Variants in OXR1 observed in about 807,000 individuals in gnomAD.
OXR1 encodes the protein oxidation resistance protein 1.
In OXR1, 41 loss-of-function variants were observed where a neutral mutation model predicts 104.6. That is an observed-to-expected ratio of 0.39 (90% confidence interval 0.31 to 0.51). OXR1 has a LOEUF of 0.51. Among genes scored for constraint, OXR1 ranks in the 20% least tolerant of loss-of-function variants. The pLI is 0.77. For missense variants in OXR1, 955 were observed against 1,031.9 expected (o/e 0.93, Z 1.02); for synonymous variants, 348 against 348.4 (o/e 1.00, Z 0.01).
rs566277918 is a variant in OXR1, at chr8:106,481,598, G to A, written c.24-37345G>A. Among the ~76,000 whole-genome samples, 51 of 152,174 alleles carry A rather than the reference G, an allele frequency of 3.4e-4. No homozygotes were observed. The South Asian group carries it at 0.01, about 31-fold the overall frequency. ...AGCCCGGAGGGTAAATTATTAAAAT[G>A]AGCTATGGAGAATTGGGGAGAGCTT... On this transcript the variant is annotated intron_variant, in intron 2 of 16. Coordinates refer to ENST00000517566, the MANE Select transcript of OXR1 (RefSeq NM_001198533.2).
intron 2 of OXR1, among the ~76,000 whole-genome samples, chr8:106,483,294 G>A (rs1822251188): frequency 6.6e-6 from 1 of 151,998 alleles, no homozygotes; most frequent in African/African-American, 2.4e-5. Context: ...GACCTCTAGT[G>A]CCATCTGGAG....
At chr8:106,307,143 C>T (rs1271619468) in intron 1 of OXR1, among the ~76,000 whole-genome samples, 4 of 152,032 alleles carry the variant, frequency 2.6e-5, no homozygotes, top group Non-Finnish European at 5.9e-5. Context: ...GAGTTGGTAG[C>T]CAACAAGTGA....
intron 2 of OXR1, among the ~76,000 whole-genome samples, chr8:106,421,995 T>C (rs1818925379): frequency 6.6e-6 from 1 of 152,154 alleles, no homozygotes. Context: ...ATCTTTGTAA[T>C]TCAGTTCATT....
At chr8:106,450,556 C>G (rs976277741) in intron 2 of OXR1, among the ~76,000 whole-genome samples, 1 of 152,150 alleles carries the variant, frequency 6.6e-6, no homozygotes, top group Non-Finnish European at 1.5e-5. Context: ...CTAGGACATT[C>G]TCCCTAAGAG....
intron 3 of OXR1, among the ~76,000 whole-genome samples, chr8:106,663,976 G>A (rs1299032885): frequency 2.0e-5 from 3 of 152,156 alleles, no homozygotes; most frequent in Non-Finnish European, 2.9e-5. Context: ...AAAACTCACA[G>A]TGTTGGTAGA....
chr8:106,746,668 C>G (rs1277503330), intron 16 of OXR1, among the ~76,000 whole-genome samples: 1 of 152,180 alleles, frequency 6.6e-6, no homozygotes, highest in Non-Finnish European at 1.5e-5. Context: ...TACAACTTCT[C>G]TGTAAGTAGG....
chr8:106,515,916 C>G lies in OXR1; in HGVS notation c.24-3027C>G, dbSNP rs150122286. On this transcript the variant is annotated intron_variant, in intron 2 of 16. Coordinates refer to ENST00000517566, the MANE Select transcript of OXR1 (RefSeq NM_001198533.2). The stretch of plus-strand genomic sequence containing the variant: ...CTTAACTGTGAGATACAGCTTTCAC[C>G]CTAATTTCCACAAAGCAGCTCAGAG... Among the ~76,000 whole-genome samples the G allele has an allele frequency of 3.9e-5, 6 of 152,188 alleles. 1 individual carries two copies. Among genetic ancestry groups the G allele is most frequent in the African/African-American group, 1.4e-4 (6 of 41,542 alleles).
intron 15 of OXR1, among the ~76,000 whole-genome samples, chr8:106,745,469 T>C (rs1835307709): frequency 6.6e-6 from 1 of 152,228 alleles, no homozygotes; most frequent in Admixed American, 6.5e-5. Flanking sequence ...TTTCAACTCA[T>C]TTACTTCTTT....
intron 3 of OXR1, among the ~76,000 whole-genome samples, chr8:106,549,844 CTT>C (rs1322246110): frequency 6.6e-6 from 1 of 152,190 alleles, no homozygotes; most frequent in Non-Finnish European, 1.5e-5. Context: ...TATACCATCA[CTT>C]TTTGTGTTAA....
intron 2 of OXR1, among the ~76,000 whole-genome samples, chr8:106,440,236 A>C (rs1819729975): frequency 6.6e-6 from 1 of 152,010 alleles, no homozygotes; most frequent in African/African-American, 2.4e-5. Flanking sequence ...CTACCCCAAA[A>C]AGCTATGGTC....
chr8:106,750,253 T>C (rs1835764302), intron 16 of OXR1, among the ~76,000 whole-genome samples: 1 of 151,394 alleles, frequency 6.6e-6, no homozygotes, highest in South Asian at 2.1e-4. Context: ...GCTAATCCTA[T>C]ATAAAGTTCA....
At chr8:106,513,371 C>T (rs1586743063) in intron 2 of OXR1, among the ~76,000 whole-genome samples, 2 of 151,910 alleles carry the variant, frequency 1.3e-5, no homozygotes, top group African/African-American at 2.4e-5. Flanking sequence ...CATCTATGCT[C>T]CTGAGTTTGC....
chr8:106,479,001 A>G (rs1363950196), intron 2 of OXR1, among the ~76,000 whole-genome samples: 2 of 152,016 alleles, frequency 1.3e-5, no homozygotes, highest in East Asian at 1.9e-4. Context: ...TTGATAATTC[A>G]TAGATATCCT....
At chr8:106,705,629 G>A (rs542677960) in intron 8 of OXR1, among the ~76,000 whole-genome samples, 1 of 152,140 alleles carries the variant, frequency 6.6e-6, no homozygotes, top group South Asian at 2.1e-4. Flanking sequence ...TTTTAAATTA[G>A]CAACTTACAT....
chr8:106,329,930 A>G (rs963521790), intron 1 of OXR1, among the ~76,000 whole-genome samples: 17 of 151,844 alleles, frequency 1.1e-4, no homozygotes, highest in Admixed American at 7.2e-4. Context: ...AAAAAAAGTG[A>G]CATATTCACC....
chr8:106,426,764 G>A (rs979631658), intron 2 of OXR1, among the ~76,000 whole-genome samples: 3 of 152,132 alleles, frequency 2.0e-5, no homozygotes, highest in Non-Finnish European at 4.4e-5. Context: ...AAATGAAAGT[G>A]TATGGTGTAT....
chr8:106,707,093 G>T lies in OXR1; in HGVS notation c.1572G>T (p.Val524=). Residue 524 remains valine (V), a synonymous_variant, in exon 9 of 17, where the codon GTG becomes GTT. Coordinates refer to ENST00000517566, the MANE Select transcript of OXR1 (RefSeq NM_001198533.2). ...TKQQRENIQQ[V]SQKEAKHKIT... ...AGCAAAGGGAAAATATTCAACAAGT[G>T]TCACAAAAAGAAGCTAAGCATAAAA... 6.2e-7 allele frequency: 1 copy of T among 1,613,896 alleles called. No homozygotes were observed. Among genetic ancestry groups the T allele is most frequent in the Non-Finnish European group, 8.5e-7 (1 of 1,179,878 alleles).
chr8:106,446,549 C>T lies in OXR1; in HGVS notation c.24-72394C>T, dbSNP rs141788442. Reference sequence around the variant, plus strand: ...AAGAAAATTGCTTGAACCTGGGAGGCGGAGGTTGCAGCAAGCTGAGATAGC... The same window carrying T: ...AAGAAAATTGCTTGAACCTGGGAGGTGGAGGTTGCAGCAAGCTGAGATAGC... On this transcript the variant is annotated intron_variant, in intron 2 of 16. Coordinates refer to ENST00000517566, the MANE Select transcript of OXR1 (RefSeq NM_001198533.2). Among the ~76,000 whole-genome samples, 561 of 151,272 alleles carry T rather than the reference C, an allele frequency of 3.7e-3. 6 individuals are homozygous for T. Among genetic ancestry groups the T allele is most frequent in the African/African-American group, 0.012 (500 of 41,202 alleles).
At chr8:106,443,043 G>A (rs62296924) in intron 2 of OXR1, among the ~76,000 whole-genome samples, 2 of 152,008 alleles carry the variant, frequency 1.3e-5, no homozygotes, top group Non-Finnish European at 2.9e-5. Flanking sequence ...GTGGGCATTT[G>A]GTGCTATAAA....
Sources: gnomAD v4.1 joint callset for allele counts (sites outside exome capture counted in the v4.1 genomes callset) on GRCh38, gnomAD v4.1.1 for gene constraint, MANE v1.5 for transcripts, NCBI Gene and HGNC (gene_info 2026-07-23, HGNC 2026-07-21) for gene names.